The following GALNT13 variants were observed in gnomAD, a reference collection of about 807,000 sequenced individuals.
The protein encoded by GALNT13 is polypeptide N-acetylgalactosaminyltransferase 13, also known as UDP-GalNAc:polypeptide N-acetylgalactosaminyltransferase 13.
GALNT13 carries 28 observed loss-of-function variants against 64.2 expected under a neutral mutation model. The ratio of observed to expected loss-of-function variants is 0.44; its 90% CI spans 0.32 to 0.60. The LOEUF (loss-of-function observed/expected upper bound fraction) is 0.60, where lower values mean the gene tolerates loss of function less well. GALNT13 is among the 20% of genes least tolerant of loss of function. The pLI is 0.05. For missense variants in GALNT13, 577 were observed against 669.8 expected (o/e 0.86, Z 1.53); for synonymous variants, 214 against 224.6 (o/e 0.95, Z 0.42).
the GALNT13 span, among the ~76,000 whole-genome samples, chr2:153,102,784 A>G: frequency 6.6e-6 from 1 of 152,122 alleles, no homozygotes; most frequent in African/African-American, 2.4e-5. Flanking sequence ...CAAATAGTAT[A>G]CTAAAACCAC....
intron 4 of GALNT13, among the ~76,000 whole-genome samples, chr2:154,149,242 A>G (rs1683821167): frequency 6.6e-6 from 1 of 152,254 alleles, no homozygotes; most frequent in South Asian, 2.1e-4. Context: ...AGTTGTAGAT[A>G]TGCGGCGTTA....
the GALNT13 span, among the ~76,000 whole-genome samples, chr2:153,700,186 C>T: frequency 1.3e-5 from 2 of 152,150 alleles, no homozygotes; most frequent in Admixed American, 1.3e-4. Flanking sequence ...AAGGCTGGTT[C>T]AACATATGCA....
the GALNT13 span, among the ~76,000 whole-genome samples, chr2:153,309,746 G>T: frequency 6.6e-6 from 1 of 151,752 alleles, no homozygotes; most frequent in African/African-American, 2.4e-5. Context: ...GCATAATAAA[G>T]AAATTACATA....
chr2:153,427,580 C>T, the GALNT13 span, among the ~76,000 whole-genome samples: 1 of 151,922 alleles, frequency 6.6e-6, no homozygotes, highest in African/African-American at 2.4e-5. Context: ...GGCATGTATT[C>T]ACAGAGAAAT....
At chr2:153,304,861 T>TA in the GALNT13 span, among the ~76,000 whole-genome samples, 1 of 152,112 alleles carries the variant, frequency 6.6e-6, no homozygotes, top group Non-Finnish European at 1.5e-5. Context: ...CAATAGATAA[T>TA]AAAAAACATT....
the GALNT13 span, among the ~76,000 whole-genome samples, chr2:153,491,215 A>T: frequency 1.3e-5 from 2 of 152,238 alleles, no homozygotes; most frequent in East Asian, 1.9e-4. Flanking sequence ...AGATTATAGT[A>T]TGTTAGAAAT....
At chr2:153,744,806 T>C in the GALNT13 span, among the ~76,000 whole-genome samples, 1,304 of 152,202 alleles carry the variant, frequency 8.6e-3, 57 homozygotes, top group East Asian at 0.13. Flanking sequence ...TTTTTGGAAA[T>C]TGGCAGTATG....
At chr2:154,124,905 A>G (rs1574548907) in intron 3 of GALNT13, among the ~76,000 whole-genome samples, 2 of 152,122 alleles carry the variant, frequency 1.3e-5, no homozygotes, top group South Asian at 4.1e-4. Flanking sequence ...AACTACATCA[A>G]AAGGAATACT....
chr2:153,700,721 A>G, the GALNT13 span, among the ~76,000 whole-genome samples: 1 of 152,170 alleles, frequency 6.6e-6, no homozygotes, highest in Non-Finnish European at 1.5e-5. Context: ...GAGCCAAATC[A>G]TGAACGATCC....
At chr2:154,323,214 G>A (rs533957598) in intron 9 of GALNT13, among the ~76,000 whole-genome samples, 10 of 150,956 alleles carry the variant, frequency 6.6e-5, no homozygotes, top group South Asian at 2.1e-4. Flanking sequence ...GAGGATTCCC[G>A]GAGCTCAGGA....
chr2:153,415,972 A>G, the GALNT13 span, among the ~76,000 whole-genome samples: 1 of 152,204 alleles, frequency 6.6e-6, no homozygotes, highest in African/African-American at 2.4e-5. Context: ...AAAGTGTTTA[A>G]TCATTCTAGG....
At chr2:154,100,241 G>GA (rs1558957461) in intron 3 of GALNT13, among the ~76,000 whole-genome samples, 2 of 151,986 alleles carry the variant, frequency 1.3e-5, no homozygotes, top group South Asian at 4.1e-4. Context: ...CAACTTCTGT[G>GA]AAAAATGGCA....
the GALNT13 span, among the ~76,000 whole-genome samples, chr2:153,192,841 A>G: frequency 4.4e-3 from 671 of 151,980 alleles, 5 homozygotes; most frequent in African/African-American, 0.015. Context: ...TTCTGTTTGC[A>G]TAGAATATTT....
At chr2:153,408,264 A>G in the GALNT13 span, among the ~76,000 whole-genome samples, 1 of 151,056 alleles carries the variant, frequency 6.6e-6, no homozygotes, top group Non-Finnish European at 1.5e-5. Flanking sequence ...CAATAGAGGA[A>G]GAGTGGAGGG....
chr2:153,901,980 T>C (rs1302350523), intron 2 of GALNT13, among the ~76,000 whole-genome samples: 1 of 152,152 alleles, frequency 6.6e-6, no homozygotes, highest in Non-Finnish European at 1.5e-5. Flanking sequence ...TACCATTCTC[T>C]TCCCTCTTTA....
At chr2:153,751,435 C>G in the GALNT13 span, among the ~76,000 whole-genome samples, 1 of 151,480 alleles carries the variant, frequency 6.6e-6, no homozygotes, top group Non-Finnish European at 1.5e-5. Context: ...GTGTTGAAGT[C>G]TCCAACTATT....
chr2:153,463,114 G>C, the GALNT13 span, among the ~76,000 whole-genome samples: 1 of 151,974 alleles, frequency 6.6e-6, no homozygotes, highest in Non-Finnish European at 1.5e-5. Context: ...ATTCAATCCA[G>C]GTAAAGGGAA....
At chr2:153,628,807 C>A in the GALNT13 span, among the ~76,000 whole-genome samples, 29 of 152,092 alleles carry the variant, frequency 1.9e-4, no homozygotes, top group South Asian at 1.0e-3. Flanking sequence ...CTAAAATTCT[C>A]TTTTTTTGTT....
chr2:153,852,479 G>A, the GALNT13 span, among the ~76,000 whole-genome samples: 2 of 152,150 alleles, frequency 1.3e-5, no homozygotes, highest in Admixed American at 1.3e-4. Context: ...AAATGTTTAT[G>A]TATTTAATAA....
Sources: allele counts gnomAD v4.1 joint callset (sites outside exome capture counted in the v4.1 genomes callset), GRCh38; gene constraint gnomAD v4.1.1; transcripts MANE v1.5; gene names NCBI Gene and HGNC (gene_info 2026-07-23, HGNC 2026-07-21).